The following CNGB3 variants were observed in gnomAD, a reference collection of about 807,000 sequenced individuals.
The protein encoded by CNGB3 is cyclic nucleotide gated channel subunit beta 3.
In CNGB3, 86 loss-of-function variants were observed where a neutral mutation model predicts 92.8. That is an observed-to-expected ratio of 0.93 (90% CI 0.78 to 1.11). The LOEUF (loss-of-function observed/expected upper bound fraction) is 1.11, where lower values mean the gene tolerates loss of function less well. Among genes scored for constraint, CNGB3 ranks in the 50% least tolerant of loss-of-function variants. CNGB3 has a pLI of 0.00. For missense variants in CNGB3, 1,026 were observed against 956.8 expected, an observed-to-expected ratio of 1.07 and a Z score of -0.95; for synonymous variants, 333 against 332.7, an observed-to-expected ratio of 1.00 and a Z score of -0.01.
rs543557921 is a variant in CNGB3 at position 86,701,070 on chromosome 8, G to A, written c.338+25461C>T. On this transcript the variant is annotated intron_variant, in intron 3 of 17. Transcript: ENST00000320005. ...CTCCACTAAAATCCCTGCCTCCGCA[G>A]CCTAGAACAAATGCTTTAATTTTTT... is the stretch of plus-strand genomic sequence containing the variant. 1.2e-4 allele frequency among the ~76,000 whole-genome samples: 18 copies of A among 152,310 alleles called. No individual in the cohort carries two copies. The South Asian group carries it at 3.7e-3, about 32-fold the overall frequency.
At chr8:86,719,229 T>C (rs1157159817) in intron 3 of CNGB3, among the ~76,000 whole-genome samples, 1 of 152,112 alleles carries the variant, frequency 6.6e-6, no homozygotes, top group Non-Finnish European at 1.5e-5. Flanking sequence ...GAAGTCAGAC[T>C]GTCGCTATTT....
At chr8:86,650,721 A>G (rs1823385148) in intron 7 of CNGB3, among the ~76,000 whole-genome samples, 1 of 151,686 alleles carries the variant, frequency 6.6e-6, no homozygotes, top group South Asian at 2.1e-4. Flanking sequence ...GTGGGAATGT[A>G]AATATGTAAA....
intron 6 of CNGB3, chr8:86,658,388 C>T: frequency 2.3e-6 from 1 of 437,230 alleles, no homozygotes; most frequent in East Asian, 5.5e-5. Flanking sequence ...CCATGAGGGT[C>T]AGCTGGGCCT....
intron 15 of CNGB3, among the ~76,000 whole-genome samples, chr8:86,601,421 G>T (rs753790541): frequency 5.3e-5 from 8 of 152,062 alleles, no homozygotes; most frequent in Non-Finnish European, 8.8e-5. Flanking sequence ...ATGTGGTCTG[G>T]GTTTTCTCAA....
In CNGB3 at chr8:86,578,905, G is replaced by A. The variant is rs749652164; in HGVS notation, c.1929-42C>T. 16 of 1,612,566 alleles carry A rather than the reference G, an allele frequency of 9.9e-6. No individual in the cohort carries two copies. In the Admixed American group the frequency reaches 1.8e-4, roughly 18 times the overall value. On this transcript the variant is annotated intron_variant, in intron 16 of 17. Coordinates refer to ENST00000320005, the MANE Select transcript of CNGB3 (RefSeq NM_019098.5). Reference sequence around the variant, plus strand: ...AAAGCTGTTTTAGGTAACTCTGTGAGAGTTCTGGCAAAATCTACTAAAAAA... The same window carrying A: ...AAAGCTGTTTTAGGTAACTCTGTGAAAGTTCTGGCAAAATCTACTAAAAAA...
At chr8:86,627,321 T>C (rs1822869613) in intron 12 of CNGB3, among the ~76,000 whole-genome samples, 1 of 152,140 alleles carries the variant, frequency 6.6e-6, no homozygotes, top group Admixed American at 6.5e-5. Context: ...GCACCACTCC[T>C]TTTGTTGCTC....
intron 2 of CNGB3, among the ~76,000 whole-genome samples, chr8:86,732,431 G>A (rs1488927692): frequency 3.3e-5 from 5 of 152,170 alleles, no homozygotes; most frequent in African/African-American, 7.2e-5. Flanking sequence ...TGAAAAATGA[G>A]TAAATGGAAA....
intron 3 of CNGB3, chr8:86,704,357 G>C (rs1824614049): frequency 6.6e-6 from 1 of 152,176 alleles, no homozygotes; most frequent in Non-Finnish European, 1.5e-5. Context: ...AGAAAATCCA[G>C]GGATAAGTGG....
intron 14 of CNGB3, among the ~76,000 whole-genome samples, chr8:86,605,277 T>C (rs900032174): frequency 2.6e-5 from 4 of 152,234 alleles, no homozygotes; most frequent in African/African-American, 9.7e-5. Flanking sequence ...TATGAGGCCC[T>C]TGGAACACAT....
At chr8:86,601,724 T>A (rs1222459488) in intron 15 of CNGB3, among the ~76,000 whole-genome samples, 1 of 152,174 alleles carries the variant, frequency 6.6e-6, no homozygotes, top group Non-Finnish European at 1.5e-5. Context: ...TGTGGGCCTG[T>A]GAAGCCTGTG....
intron 15 of CNGB3, among the ~76,000 whole-genome samples, chr8:86,591,268 C>T (rs1327993694): frequency 2.6e-4 from 38 of 145,214 alleles, no homozygotes; most frequent in African/African-American, 8.8e-4. Context: ...TTTTCAACTT[C>T]TTTGCCTTTG....
chr8:86,727,373 GA>G (rs1825079027), intron 2 of CNGB3, among the ~76,000 whole-genome samples: 1 of 152,140 alleles, frequency 6.6e-6, no homozygotes, highest in East Asian at 1.9e-4. Flanking sequence ...AGTAAAATAG[GA>G]AAAAATGTGA....
intron 11 of CNGB3, among the ~76,000 whole-genome samples, chr8:86,630,951 T>C (rs1437380688): frequency 6.6e-6 from 1 of 152,188 alleles, no homozygotes; most frequent in Non-Finnish European, 1.5e-5. Flanking sequence ...GGTTTTTTTC[T>C]GTCCCAGGCT....
At chr8:86,663,376 G>A (rs979211405) in intron 6 of CNGB3, among the ~76,000 whole-genome samples, 12 of 152,250 alleles carry the variant, frequency 7.9e-5, no homozygotes, top group South Asian at 2.1e-4. Flanking sequence ...GTTTGACTGC[G>A]TTTCAAAATT....
chr8:86,667,987 T>C (rs1398212941), intron 5 of CNGB3, 32 bp downstream of exon 5: 2 of 1,613,080 alleles, frequency 1.2e-6, no homozygotes, highest in Non-Finnish European at 1.7e-6. Context: ...TAGCCAGCCC[T>C]CCCACTATGA....
At chr8:86,708,167 G>A (rs995461258) in intron 3 of CNGB3, among the ~76,000 whole-genome samples, 1 of 152,140 alleles carries the variant, frequency 6.6e-6, no homozygotes, top group African/African-American at 2.4e-5. Flanking sequence ...TACAACCATG[G>A]GACTGAATAA....
intron 6 of CNGB3, among the ~76,000 whole-genome samples, chr8:86,656,808 C>G (rs1353983098): frequency 6.6e-6 from 1 of 152,040 alleles, no homozygotes; most frequent in Non-Finnish European, 1.5e-5. Context: ...GCACCATGAC[C>G]CCATCCTTGC....
At chr8:86,666,703 A>T (rs934875874) in intron 6 of CNGB3, among the ~76,000 whole-genome samples, 1 of 152,152 alleles carries the variant, frequency 6.6e-6, no homozygotes, top group Admixed American at 6.5e-5. Context: ...TTCACTTTAA[A>T]TATGAGGAAA....
intron 4 of CNGB3, among the ~76,000 whole-genome samples, chr8:86,670,692 ATGTGAGCCACTGCACCCTGCCAGG>A (rs1221249745): frequency 6.6e-6 from 1 of 151,862 alleles, no homozygotes; most frequent in Non-Finnish European, 1.5e-5. Context: ...GGGATTATAG[ATGTGAGCCACTGCACCCTGCCAGG>A]TGTGAGCCAC....
Sources: gnomAD v4.1 joint callset for allele counts (sites outside exome capture counted in the v4.1 genomes callset) on GRCh38, gnomAD v4.1.1 for gene constraint, MANE v1.5 for transcripts, NCBI Gene and HGNC (gene_info 2026-07-23, HGNC 2026-07-21) for gene names.